AGBL1: variants seen among roughly 807,000 people sequenced by gnomAD.
The protein encoded by AGBL1 is AGBL carboxypeptidase 1.
In AGBL1, 130 loss-of-function variants were observed where a neutral mutation model predicts 118.9. The observed-to-expected ratio is 1.09, with a 90% CI of 0.95 to 1.26. The LOEUF is 1.26. AGBL1 is among the 50% of genes most tolerant of loss of function. AGBL1 has a pLI of 0.00. For missense variants in AGBL1, 1,584 were observed against 1,298.1 expected (o/e 1.22, Z -3.38); for synonymous variants, 555 against 478.9 (o/e 1.16, Z -2.08).
At chr15:86,104,629 C>T (rs543817224) in intron 1 of AGBL1, among the ~76,000 whole-genome samples, 1 of 152,184 alleles carries the variant, frequency 6.6e-6, no homozygotes, top group South Asian at 2.1e-4. Flanking sequence ...TGTGCTTTTG[C>T]CCTGGAGGCA....
intron 23 of AGBL1, among the ~76,000 whole-genome samples, chr15:86,932,181 A>C (rs1205636571): frequency 6.6e-6 from 1 of 152,236 alleles, no homozygotes; most frequent in Non-Finnish European, 1.5e-5. Context: ...GACTCCTTCC[A>C]ACACCCTCCC....
At position 87,016,919 on chromosome 15, in the gene AGBL1, TG is replaced by T. The variant is rs1277316328; in HGVS notation, c.3324-11902del. The stretch of plus-strand genomic sequence containing the variant: ...TGTGAAGTCCCTGCAGAGCAGCCAC[TG>T]GGGCACACACAGAGACCCAGGAGTT... On this transcript the variant is annotated intron_variant, in intron 24 of 24. Coordinates refer to the AGBL1 transcript ENST00000441037. 2.7e-4 allele frequency among the ~76,000 whole-genome samples: 41 copies of T among 152,144 alleles called. 1 individual carries two copies. The highest frequency in any genetic ancestry group is 2.6e-3 in the Admixed American group (40 of 15,264).
intron 21 of AGBL1, among the ~76,000 whole-genome samples, chr15:86,568,871 G>A (rs1210009840): frequency 1.3e-5 from 2 of 152,122 alleles, no homozygotes; most frequent in Non-Finnish European, 2.9e-5. Context: ...GTTAAGGCAA[G>A]GACATTGTTC....
intron 17 of AGBL1, among the ~76,000 whole-genome samples, chr15:86,395,507 T>C (rs1439824792): frequency 6.6e-6 from 1 of 152,146 alleles, no homozygotes; most frequent in Non-Finnish European, 1.5e-5. Flanking sequence ...TTGTCACTAC[T>C]GACAAATGCT....
In AGBL1 at chr15:86,908,144, A is replaced by G. The variant is rs2141595042; in HGVS notation, c.*850A>G. On this transcript the variant is annotated 3_prime_UTR_variant, in exon 23 of 23. Transcript: ENST00000614907. The stretch of plus-strand genomic sequence containing the variant: ...CAGTTTTCTTATATATAAAATGTGG[A>G]TAAGTATATCTATATCATAAAATTA... 6.6e-6 allele frequency: 1 copy of G among 152,324 alleles called. No homozygotes were observed. Among genetic ancestry groups the G allele is most frequent in the Admixed American group, 6.5e-5 (1 of 15,294 alleles). The allele number at this position is 152,324 out of a possible 1,614,324, so 9.4% of individuals were successfully genotyped here.
At chr15:86,380,242 T>TGCCA (rs2141958752) in intron 17 of AGBL1, among the ~76,000 whole-genome samples, 1 of 149,482 alleles carries the variant, frequency 6.7e-6, no homozygotes, top group Admixed American at 6.6e-5. Flanking sequence ...CCTGCCTGCC[T>TGCCA]GCCTCCCTCC....
At chr15:86,544,149 A>G (rs1306053576) in intron 19 of AGBL1, among the ~76,000 whole-genome samples, 1 of 152,216 alleles carries the variant, frequency 6.6e-6, no homozygotes, top group Admixed American at 6.5e-5. Flanking sequence ...TGGCTTAAAC[A>G]AAAGCTATGC....
intron 17 of AGBL1, among the ~76,000 whole-genome samples, chr15:86,380,288 TTTC>T (rs1385727885): frequency 0.026 from 3,859 of 146,848 alleles, 59 homozygotes; most frequent in African/African-American, 0.063. Flanking sequence ...TTTTTTTTTT[TTTC>T]TTTTTCTTTT....
chr15:86,934,288 C>T (rs917156004), intron 23 of AGBL1, among the ~76,000 whole-genome samples: 4 of 152,188 alleles, frequency 2.6e-5, no homozygotes, highest in South Asian at 2.1e-4. Flanking sequence ...TGATTTATTC[C>T]TTATTTTATC....
intron 21 of AGBL1, among the ~76,000 whole-genome samples, chr15:86,560,456 A>G (rs1390200783): frequency 6.6e-6 from 1 of 152,170 alleles, no homozygotes; most frequent in African/African-American, 2.4e-5. Flanking sequence ...ATGTCCCTAC[A>G]AAGGACATGA....
At chr15:86,243,383 A>G (rs1649892605) in intron 6 of AGBL1, among the ~76,000 whole-genome samples, 1 of 152,200 alleles carries the variant, frequency 6.6e-6, no homozygotes, top group Admixed American at 6.5e-5. Context: ...TAAGGATATC[A>G]CTAGGTCCCG....
At chr15:86,985,852 G>A (rs1050006633) in intron 23 of AGBL1, among the ~76,000 whole-genome samples, 6 of 151,456 alleles carry the variant, frequency 4.0e-5, no homozygotes, top group East Asian at 1.9e-4. Context: ...TTAGTCCCAT[G>A]TTCCATTTCG....
chr15:86,443,189 C>T (rs1022477590), intron 18 of AGBL1, among the ~76,000 whole-genome samples: 37 of 152,196 alleles, frequency 2.4e-4, no homozygotes, highest in Non-Finnish European at 4.1e-4. Context: ...CCATCTGCCG[C>T]AGGGCACCAG....
chr15:86,821,144 G>A (rs985974061), intron 22 of AGBL1, among the ~76,000 whole-genome samples: 1 of 152,010 alleles, frequency 6.6e-6, no homozygotes, highest in African/African-American at 2.4e-5. Context: ...ATGGACACAG[G>A]GAGGGGAACA....
intron 19 of AGBL1, 142 bp from the exon 20 acceptor site, chr15:86,545,860 T>C (rs1596250700): frequency 2.1e-6 from 2 of 957,118 alleles, no homozygotes; most frequent in East Asian, 5.4e-5. Context: ...ACATGGCTGG[T>C]CTGCTAACTC....
chr15:86,558,554 A>G (rs1472197589), intron 21 of AGBL1, among the ~76,000 whole-genome samples: 3 of 152,204 alleles, frequency 2.0e-5, no homozygotes, highest in African/African-American at 7.2e-5. Flanking sequence ...GTCCTTCTGT[A>G]TGCAAATCTC....
chr15:86,490,397 C>A (rs185512068), intron 18 of AGBL1, among the ~76,000 whole-genome samples: 6 of 152,056 alleles, frequency 3.9e-5, no homozygotes, highest in African/African-American at 9.7e-5. Flanking sequence ...AACCTCTGCT[C>A]GTTAGAACGA....
At chr15:86,576,764 C>G (rs1232442746) in intron 21 of AGBL1, among the ~76,000 whole-genome samples, 1 of 152,126 alleles carries the variant, frequency 6.6e-6, no homozygotes, top group African/African-American at 2.4e-5. Flanking sequence ...GTGAGTAAGT[C>G]TTATGAGATC....
intron 22 of AGBL1, among the ~76,000 whole-genome samples, chr15:86,906,141 A>G (rs974136256): frequency 1.3e-5 from 2 of 152,214 alleles, no homozygotes; most frequent in Non-Finnish European, 2.9e-5. Context: ...TGATTTATGA[A>G]GTGCTTGCCT....
Sources: allele counts gnomAD v4.1 joint callset (sites outside exome capture counted in the v4.1 genomes callset), GRCh38; gene constraint gnomAD v4.1.1; transcripts MANE v1.5; gene names NCBI Gene and HGNC (gene_info 2026-07-23, HGNC 2026-07-21).